FBXO42: variants seen among roughly 807,000 people sequenced by gnomAD.
FBXO42 encodes F-box only protein 42.
Under a neutral mutation model 71.7 loss-of-function variants are expected in FBXO42, and 12 were observed. The observed-to-expected ratio is 0.17, with a 90% confidence interval of 0.11 to 0.27. The LOEUF is 0.27. FBXO42 is among the 10% of genes least tolerant of loss of function. FBXO42 has a pLI of 1.00. For missense variants in FBXO42, 707 were observed against 911.9 expected, an observed-to-expected ratio of 0.78 and a Z score of 2.89; for synonymous variants, 325 against 327.5, an observed-to-expected ratio of 0.99 and a Z score of 0.08.
rs190783488 is a variant in FBXO42 at position 16,261,847 on chromosome 1, G to A, written c.503-5088C>T. On this transcript the variant is annotated intron_variant, in intron 4 of 9. Transcript: ENST00000375592. ...ACCTCCTGAGTAGCTGGGACTACAG[G>A]CACCCCCCGCCATGCTCAAGCTAAT... Among the ~76,000 whole-genome samples, 254 of 152,118 alleles carry A rather than the reference G, an allele frequency of 1.7e-3. 3 individuals are homozygous for A. Among genetic ancestry groups the A allele is most frequent in the African/African-American group, 4.3e-3 (178 of 41,482 alleles).
chr1:16,276,621 T>C (rs1382239745), intron 4 of FBXO42, among the ~76,000 whole-genome samples: 1 of 152,166 alleles, frequency 6.6e-6, no homozygotes, highest in Admixed American at 6.5e-5. Context: ...TATAACTACA[T>C]TTAGGACATA....
At chr1:16,258,004 C>CTT (rs549782108) in intron 4 of FBXO42, among the ~76,000 whole-genome samples, 9 of 149,566 alleles carry the variant, frequency 6.0e-5, no homozygotes, top group African/African-American at 2.2e-4. Context: ...TTTTTAAAAT[C>CTT]TTTTTTTTTT....
chr1:16,338,753 T>G (rs148820459), intron 1 of FBXO42, among the ~76,000 whole-genome samples: 1 of 148,878 alleles, frequency 6.7e-6, no homozygotes, highest in East Asian at 2.0e-4. Context: ...AAGAACATAA[T>G]ACATTTTAAC....
chr1:16,338,104 A>T (rs2082569398), intron 1 of FBXO42, among the ~76,000 whole-genome samples: 1 of 149,454 alleles, frequency 6.7e-6, no homozygotes, highest in East Asian at 2.0e-4. Context: ...CTAAAAATAC[A>T]AAAAATTAGC....
intron 4 of FBXO42, among the ~76,000 whole-genome samples, chr1:16,291,491 A>G (rs2082078357): frequency 6.6e-6 from 1 of 150,724 alleles, no homozygotes; most frequent in South Asian, 2.1e-4. Flanking sequence ...AGTGATTCTC[A>G]TGCTTCAACC....
Position 16,262,857 on chromosome 1 carries a change from G to A in FBXO42, c.503-6098C>T, listed in dbSNP as rs141947500. The stretch of plus-strand genomic sequence containing the variant: ...CCCAAGTAGCTGGGACTACAGGCAC[G>A]TGCCACCACGGCAGGCTAGTTTTTT... On this transcript the variant is annotated intron_variant, in intron 4 of 9. Coordinates refer to ENST00000375592, the MANE Select transcript of FBXO42 (RefSeq NM_018994.3). Among the ~76,000 whole-genome samples the A allele has an allele frequency of 7.3e-4, 111 of 151,422 alleles. 3 individuals carry two copies. In the East Asian group the frequency reaches 0.021, roughly 29 times the overall value.
At chr1:16,257,591 T>C (rs988567265) in intron 4 of FBXO42, among the ~76,000 whole-genome samples, 3 of 152,232 alleles carry the variant, frequency 2.0e-5, no homozygotes, top group Non-Finnish European at 4.4e-5. Flanking sequence ...AATTGCTATT[T>C]TTCCCCATCC....
rs191549553 is a variant in FBXO42, at chr1:16,281,750, G to A, written c.502+13033C>T. Among the ~76,000 whole-genome samples, 1,265 of 150,618 alleles carry A rather than the reference G, an allele frequency of 8.4e-3. 6 individuals carry two copies. Among genetic ancestry groups the A allele is most frequent in the Non-Finnish European group, 0.012 (812 of 67,722 alleles). ...TGGCTCACTGTAACCTCCACCTCCC[G>A]GGTTCAAGCGATTCTCCTGCCTCAG... On this transcript the variant is annotated intron_variant, in intron 4 of 9. Coordinates refer to ENST00000375592, the MANE Select transcript of FBXO42 (RefSeq NM_018994.3).
At chr1:16,350,613 G>T (rs2082690822) in intron 1 of FBXO42, among the ~76,000 whole-genome samples, 1 of 148,680 alleles carries the variant, frequency 6.7e-6, no homozygotes, top group African/African-American at 2.5e-5. Flanking sequence ...CGGGCGTGGT[G>T]GCGCACACCT....
intron 1 of FBXO42, among the ~76,000 whole-genome samples, chr1:16,323,907 G>A (rs375369904): frequency 1.3e-5 from 2 of 151,992 alleles, no homozygotes; most frequent in South Asian, 4.2e-4. Context: ...CCCACAGCAT[G>A]AGGGCTTCTG....
At position 16,252,349 on chromosome 1, in the gene FBXO42, G is replaced by A. The variant is rs756864521; in HGVS notation, c.977C>T (p.Pro326Leu). ...HMHSGPWAWQ[P>L]LKVENEEHGA... The stretch of plus-strand genomic sequence containing the variant: ...ATGCTCTTCATTTTCTACCTTGAGT[G>A]GCTGCCAGGCCCAAGGACCAGAATG... Residue 326 changes from proline (P) to leucine (L), a missense_variant, in exon 9 of 10, where the codon CCA becomes CTA. By Grantham distance (98) the Pro-to-Leu change is moderately conservative (BLOSUM62 -3). Around this residue, in one of 5 missense-constraint regions of FBXO42, gnomAD observed 482 missense variants for 587.1 expected, o/e 0.82. Coordinates refer to ENST00000375592, the MANE Select transcript of FBXO42 (RefSeq NM_018994.3). The surrounding 1 kb of genome is among the most constrained non-coding windows in gnomAD (Gnocchi z 4.4). 7 of 1,614,176 alleles carry A rather than the reference G, an allele frequency of 4.3e-6. No individual in the cohort carries two copies. The Middle Eastern group carries it at 6.6e-4, about 152-fold the overall frequency.
chr1:16,347,617 G>A (rs910107024), intron 1 of FBXO42, among the ~76,000 whole-genome samples: 1 of 152,166 alleles, frequency 6.6e-6, no homozygotes, highest in Non-Finnish European at 1.5e-5. Flanking sequence ...CACTTTGGGA[G>A]GCCAAGGCCA....
chr1:16,279,118 C>T (rs1286506018), intron 4 of FBXO42, among the ~76,000 whole-genome samples: 1 of 152,148 alleles, frequency 6.6e-6, no homozygotes, highest in Non-Finnish European at 1.5e-5. Flanking sequence ...GTCGTGCTCC[C>T]TATCCAATTT....
chr1:16,301,242 CTT>C (rs1446408803), intron 3 of FBXO42, among the ~76,000 whole-genome samples: 1 of 152,076 alleles, frequency 6.6e-6, no homozygotes, highest in Non-Finnish European at 1.5e-5. Flanking sequence ...TTGTCCCAGA[CTT>C]TTCCATAGGA....
chr1:16,326,681 CT>C (rs1303910953), intron 1 of FBXO42, among the ~76,000 whole-genome samples: 1 of 119,402 alleles, frequency 8.4e-6, no homozygotes, highest in African/African-American at 3.2e-5. Context: ...CAAACCCTGT[CT>C]CAAAAAAAAA....
chr1:16,284,904 G>T (rs1186240345), intron 4 of FBXO42, among the ~76,000 whole-genome samples: 3 of 152,096 alleles, frequency 2.0e-5, no homozygotes, highest in Non-Finnish European at 4.4e-5. Context: ...GGAGGTGGAG[G>T]TTGCGGTGAG....
chr1:16,314,741 G>T (rs55903004), intron 2 of FBXO42, among the ~76,000 whole-genome samples: 41,461 of 151,884 alleles, frequency 0.27, 6,546 homozygotes, highest in Non-Finnish European at 0.37. Context: ...AAAATCAGCC[G>T]GGCGTGGTGG....
At chr1:16,339,312 TTTTTTG>T (rs2082581392) in intron 1 of FBXO42, among the ~76,000 whole-genome samples, 2 of 152,014 alleles carry the variant, frequency 1.3e-5, no homozygotes. Flanking sequence ...TTGTTATAGT[TTTTTTG>T]TTTTTGTTTT....
intron 3 of FBXO42, among the ~76,000 whole-genome samples, chr1:16,298,894 A>C (rs974589430): frequency 6.6e-6 from 1 of 152,174 alleles, no homozygotes; most frequent in South Asian, 2.1e-4. Flanking sequence ...TAACTAAAAG[A>C]GTCAAGGGTT....
Sources: gnomAD v4.1 joint callset for allele counts (sites outside exome capture counted in the v4.1 genomes callset) on GRCh38, gnomAD v4.1.1 for gene constraint, gnomAD v4.1.1 regional missense constraint, Gnocchi (gnomAD v3.1) non-coding constraint, MANE v1.5 for transcripts, NCBI Gene and HGNC (gene_info 2026-07-23, HGNC 2026-07-21) for gene names.